The following CARMIL1 variants were observed in gnomAD, a reference collection of about 807,000 sequenced individuals.
CARMIL1 encodes F-actin-uncapping protein LRRC16A.
A neutral mutation model predicts 177.1 loss-of-function variants in CARMIL1; 90 were observed. The observed-to-expected ratio is 0.51, with a 90% CI of 0.43 to 0.61. CARMIL1 has a LOEUF of 0.61. CARMIL1 is among the 20% of genes least tolerant of loss of function. The pLI is 0.00. For missense variants in CARMIL1, 1,380 were observed against 1,667.0 expected, an observed-to-expected ratio of 0.83 and a Z score of 3.00; for synonymous variants, 577 against 606.2, an observed-to-expected ratio of 0.95 and a Z score of 0.71.
chr6:25,550,975 C>T lies in CARMIL1; in HGVS notation c.2394C>T (p.His798=), dbSNP rs754460838. The change falls in exon 27 of 37, where the codon CAC becomes CAT. Residue 798 remains histidine (H), a synonymous_variant. Transcript: ENST00000329474. ...GTCCCAATGTGATGAAAAAAGCCCA[C>T]ATTCGACAAGACTTGATTCATGCCA... The part of the protein sequence containing the change: ...NLCPNVMKKA[H]IRQDLIHAST... The T allele has an allele frequency of 6.8e-6, 11 of 1,613,446 alleles. No homozygotes were observed. The African/African-American group carries it at 1.3e-4, about 20-fold the overall frequency.
intron 2 of CARMIL1, among the ~76,000 whole-genome samples, chr6:25,338,567 T>TTTA (rs376819546): frequency 2.1e-5 from 3 of 141,018 alleles, no homozygotes; most frequent in Admixed American, 7.0e-5. Context: ...TTTTTTTTTT[T>TTTA]ATTTCTTGAC....
At chr6:25,508,705 C>T (rs1316751341) in intron 17 of CARMIL1, among the ~76,000 whole-genome samples, 2 of 152,162 alleles carry the variant, frequency 1.3e-5, no homozygotes, top group African/African-American at 4.8e-5. Context: ...AATTTTCCTA[C>T]ATGAGTAAAG....
intron 4 of CARMIL1, among the ~76,000 whole-genome samples, chr6:25,434,599 C>T (rs1252315063): frequency 1.3e-5 from 2 of 149,312 alleles, no homozygotes; most frequent in African/African-American, 2.5e-5. Context: ...TCTCGGCTCC[C>T]TGCAACCTCC....
chr6:25,322,224 A>G (rs896108820), intron 2 of CARMIL1, among the ~76,000 whole-genome samples: 5 of 152,128 alleles, frequency 3.3e-5, no homozygotes, highest in African/African-American at 1.2e-4. Context: ...CTGGGTTCAA[A>G]CAATTCTTGT....
chr6:25,365,495 G>A (rs1789684592), intron 2 of CARMIL1, among the ~76,000 whole-genome samples: 1 of 152,116 alleles, frequency 6.6e-6, no homozygotes, highest in Non-Finnish European at 1.5e-5. Flanking sequence ...GCCAGATGCT[G>A]TATATTTAAG....
intron 17 of CARMIL1, among the ~76,000 whole-genome samples, chr6:25,501,362 G>A (rs534460201): frequency 2.6e-5 from 4 of 152,126 alleles, no homozygotes; most frequent in African/African-American, 4.8e-5. Context: ...TCCTGCATGC[G>A]TGCATCAGCT....
chr6:25,368,252 G>T (rs74596052), intron 2 of CARMIL1, among the ~76,000 whole-genome samples: 1 of 152,172 alleles, frequency 6.6e-6, no homozygotes, highest in East Asian at 1.9e-4. Context: ...GGTCAGACAC[G>T]ACTTACTTAG....
At chr6:25,543,684 C>CTTA (rs1809134191) in intron 26 of CARMIL1, among the ~76,000 whole-genome samples, 1 of 152,024 alleles carries the variant, frequency 6.6e-6, no homozygotes, top group South Asian at 2.1e-4. Flanking sequence ...GATATGAGGC[C>CTTA]TGAGGGGTTT....
rs1326512555 is a variant in CARMIL1, at chr6:25,509,299, A to G, written c.1396-357A>G. Among the ~76,000 whole-genome samples, 1 of 152,158 alleles carries G rather than the reference A, an allele frequency of 6.6e-6. No homozygotes were observed. The highest frequency in any genetic ancestry group is 1.9e-4 in the East Asian group (1 of 5,194). ...AGTCAAATAAAACAGTAACTTTCTCATGTATAAAATGAATTTATTAAATTT... is the reference window on the plus strand; with the variant it reads ...AGTCAAATAAAACAGTAACTTTCTCGTGTATAAAATGAATTTATTAAATTT... On this transcript the variant is annotated intron_variant, in intron 17 of 36. Coordinates refer to ENST00000329474, the MANE Select transcript of CARMIL1 (RefSeq NM_017640.6). This position sits in a 1 kb window ranked among gnomAD's most constrained non-coding sequence, Gnocchi z 4.1.
chr6:25,279,804 G>A lies in CARMIL1; in HGVS notation c.9G>A (p.Glu3=). Reference sequence around the variant, plus strand: ...ACACCTACAGGGCAACCATGACCGAGGAGAGCTCTGACGTTCCCAGGGAGT... The same window carrying A: ...ACACCTACAGGGCAACCATGACCGAAGAGAGCTCTGACGTTCCCAGGGAGT... MT[E]ESSDVPRELI... Residue 3 remains glutamate (E), a synonymous_variant, in exon 1 of 37, where the codon GAG becomes GAA. Transcript: ENST00000329474. 1 of 1,614,026 alleles carries A rather than the reference G, an allele frequency of 6.2e-7. No homozygotes were observed. The highest frequency in any genetic ancestry group is 8.5e-7 in the Non-Finnish European group (1 of 1,179,894).
At chr6:25,605,263 G>A (rs1044316314) in intron 34 of CARMIL1, among the ~76,000 whole-genome samples, 10 of 152,204 alleles carry the variant, frequency 6.6e-5, no homozygotes, top group African/African-American at 2.2e-4. Context: ...TATGGAAGAT[G>A]GGTGGCTGTC....
chr6:25,323,714 C>T (rs910870140), intron 2 of CARMIL1, among the ~76,000 whole-genome samples: 13 of 152,178 alleles, frequency 8.5e-5, no homozygotes, highest in African/African-American at 3.1e-4. Context: ...AGTAACATGA[C>T]AGCTTATTTT....
At chr6:25,381,316 G>A (rs1181413260) in intron 2 of CARMIL1, among the ~76,000 whole-genome samples, 1 of 152,138 alleles carries the variant, frequency 6.6e-6, no homozygotes, top group Non-Finnish European at 1.5e-5. Flanking sequence ...CTTGCACATT[G>A]GGTGGGTCTG....
intron 2 of CARMIL1, among the ~76,000 whole-genome samples, chr6:25,349,694 CAAT>C (rs2150354399): frequency 6.6e-6 from 1 of 151,908 alleles, no homozygotes; most frequent in Admixed American, 6.6e-5. Flanking sequence ...CCCACCCTCC[CAAT>C]ACTGCCCTGA....
At chr6:25,338,377 G>A (rs12204355) in intron 2 of CARMIL1, among the ~76,000 whole-genome samples, 65,071 of 151,832 alleles carry the variant, frequency 0.43, 14,124 homozygotes, top group African/African-American at 0.51. Context: ...ATGAGAGTGT[G>A]CTGCTAAGCT....
chr6:25,325,698 T>A (rs1372098620), intron 2 of CARMIL1, among the ~76,000 whole-genome samples: 1 of 152,196 alleles, frequency 6.6e-6, no homozygotes, highest in Non-Finnish European at 1.5e-5. Flanking sequence ...TAGCAGACAG[T>A]GTGCTGAAGA....
intron 2 of CARMIL1, among the ~76,000 whole-genome samples, chr6:25,409,435 G>T (rs1186079424): frequency 1.3e-5 from 2 of 152,190 alleles, no homozygotes; most frequent in Non-Finnish European, 2.9e-5. Context: ...CTAGGATACA[G>T]ATTGTCTCCA....
At chr6:25,390,320 A>ATATTTTTTT (rs1554184839) in intron 2 of CARMIL1, among the ~76,000 whole-genome samples, 3 of 58,104 alleles carry the variant, frequency 5.2e-5, no homozygotes, top group Admixed American at 4.7e-4. Flanking sequence ...ATATATATAT[A>ATATTTTTTT]TTTTTTTTTT....
intron 2 of CARMIL1, among the ~76,000 whole-genome samples, chr6:25,327,740 G>T (rs907076640): frequency 2.0e-5 from 3 of 152,116 alleles, no homozygotes; most frequent in African/African-American, 4.8e-5. Context: ...AATCATTCCT[G>T]GCTATTGATA....
Sources: gnomAD v4.1 joint callset for allele counts (sites outside exome capture counted in the v4.1 genomes callset) on GRCh38, gnomAD v4.1.1 for gene constraint, Gnocchi (gnomAD v3.1) non-coding constraint, MANE v1.5 for transcripts, NCBI Gene and HGNC (gene_info 2026-07-23, HGNC 2026-07-21) for gene names.